RNF130: variants seen among roughly 807,000 people sequenced by gnomAD.
The protein encoded by RNF130 is E3 ubiquitin-protein ligase RNF130.
A neutral mutation model predicts 44.6 loss-of-function variants in RNF130; 21 were observed. The ratio of observed to expected loss-of-function variants is 0.47; its 90% CI spans 0.33 to 0.68. The LOEUF (loss-of-function observed/expected upper bound fraction) is 0.68, where lower values mean the gene tolerates loss of function less well. Among genes scored for constraint, RNF130 ranks in the 30% least tolerant of loss-of-function variants. The probability of loss-of-function intolerance (pLI) is 0.02; values close to 1 mark genes in which losing one functional copy is unlikely to be tolerated. For synonymous variants in RNF130, 214 were observed against 210.4 expected (o/e 1.02, Z -0.15); for missense variants, 479 against 560.6 (o/e 0.85, Z 1.47).
chr5:179,913,751 G>C (rs1761502429), exon 8 of RNF130: 1 of 152,230 alleles, frequency 6.6e-6, no homozygotes, highest in Non-Finnish European at 1.5e-5. Context: ...TGGCTACAGG[G>C]GGCCTCCTGA....
At chr5:180,010,275 A>C (rs13188665) in intron 3 of RNF130, among the ~76,000 whole-genome samples, 1 of 142,398 alleles carries the variant, frequency 7.0e-6, no homozygotes, top group Non-Finnish European at 1.5e-5. Flanking sequence ...AAAAAAAAGT[A>C]TCTCAAGGTA....
rs1305187010 is a variant in RNF130, at chr5:179,966,794, G to A, written c.1150+12C>T. ...CCACATGCCCTGTGCCTGAGCGGAG[G>A]CCCCCACTTACTTGTTACTGCAATG... is the stretch of plus-strand genomic sequence containing the variant. On this transcript the variant is annotated intron_variant, in intron 7 of 8. Transcript: ENST00000521389. 6.2e-7 allele frequency: 1 copy of A among 1,610,214 alleles called. No individual in the cohort carries two copies. Among genetic ancestry groups the A allele is most frequent in the Non-Finnish European group, 8.5e-7 (1 of 1,178,082 alleles).
intron 3 of RNF130, among the ~76,000 whole-genome samples, chr5:179,993,614 T>A (rs6893619): frequency 0.14 from 21,964 of 152,196 alleles, 3,867 homozygotes; most frequent in African/African-American, 0.42. Flanking sequence ...CTTTGTAGAT[T>A]CTGGATATTA....
chr5:179,982,953 A>G (rs557188947), intron 3 of RNF130, among the ~76,000 whole-genome samples: 1 of 151,816 alleles, frequency 6.6e-6, no homozygotes, highest in South Asian at 2.1e-4. Context: ...CTTATTGGCC[A>G]TGTGTACATT....
At chr5:179,954,968 CCTA>C (rs1226434475), downstream of RNF130, 1 of 152,192 alleles carries the variant, frequency 6.6e-6, no homozygotes, top group Admixed American at 6.5e-5. Context: ...ATCGCTCTCA[CCTA>C]CTTTTTTGAG....
intron 7 of RNF130, among the ~76,000 whole-genome samples, chr5:179,965,492 A>G (rs1381706387): frequency 2.0e-5 from 3 of 152,258 alleles, no homozygotes; most frequent in African/African-American, 7.2e-5. Flanking sequence ...ATTTCTACAT[A>G]AAATGTAATG....
chr5:180,021,815 T>G (rs981417874), intron 2 of RNF130, among the ~76,000 whole-genome samples: 3 of 152,186 alleles, frequency 2.0e-5, no homozygotes, highest in African/African-American at 7.2e-5. Flanking sequence ...TTAACACTGA[T>G]GTGTCACTGC....
At position 180,040,530 on chromosome 5, in the gene RNF130, G is replaced by A. The variant is rs1018669961; in HGVS notation, c.365C>T (p.Ala122Val). ...TACAGCAACTGCATTGTGGAAAGCGGCCCGTGATATTTTCTCTTTAAACGT... is the reference window on the plus strand; with the variant it reads ...TACAGCAACTGCATTGTGGAAAGCGACCCGTGATATTTTCTCTTTAAACGT... ...NCTFKEKISRAAFHNAVAVVI... is the reference protein window; with the variant it reads ...NCTFKEKISRVAFHNAVAVVI... Residue 122 changes from alanine to valine, a missense_variant, in exon 2 of 9, where the codon GCC becomes GTC. Physicochemically the swap from Ala to Val is moderately conservative, Grantham distance 64. Transcript: ENST00000521389. 9 of 1,614,056 alleles carry A rather than the reference G, an allele frequency of 5.6e-6. No homozygotes were observed. Among genetic ancestry groups the A allele is most frequent in the African/African-American group, 2.7e-5 (2 of 74,910 alleles).
intron 8 of RNF130, among the ~76,000 whole-genome samples, chr5:179,958,125 C>T (rs1762251541): frequency 6.6e-6 from 1 of 152,138 alleles, no homozygotes; most frequent in African/African-American, 2.4e-5. Flanking sequence ...GATCCGCCCG[C>T]CTCGGTCTCC....
At chr5:179,991,758 T>C (rs1246769085) in intron 3 of RNF130, among the ~76,000 whole-genome samples, 2 of 152,070 alleles carry the variant, frequency 1.3e-5, no homozygotes, top group East Asian at 3.9e-4. Flanking sequence ...ATTTCTATTA[T>C]TATTAAATTG....
chr5:180,050,272 A>C (rs1764657751), intron 1 of RNF130, among the ~76,000 whole-genome samples: 1 of 152,238 alleles, frequency 6.6e-6, no homozygotes, highest in Non-Finnish European at 1.5e-5. Flanking sequence ...GAGCCGATGG[A>C]GTTCCAGGCC....
intron 3 of RNF130, among the ~76,000 whole-genome samples, chr5:179,989,125 G>A (rs1763019206): frequency 6.6e-6 from 1 of 152,234 alleles, no homozygotes; most frequent in Admixed American, 6.5e-5. Flanking sequence ...CAGGGCAGCA[G>A]GAGAGAGAAT....
At chr5:179,945,412 G>A (rs1762022661) in intron 7 of RNF130, among the ~76,000 whole-genome samples, 1 of 152,132 alleles carries the variant, frequency 6.6e-6, no homozygotes, top group Admixed American at 6.5e-5. Flanking sequence ...GTGCTAAAAA[G>A]GGCTCTGATG....
intron 3 of RNF130, among the ~76,000 whole-genome samples, chr5:180,001,657 T>C (rs1188532448): frequency 1.3e-5 from 2 of 152,142 alleles, no homozygotes; most frequent in Admixed American, 6.5e-5. Context: ...CCATACAGTA[T>C]TGACTATAGA....
At chr5:179,992,267 G>A (rs1036257689) in intron 3 of RNF130, among the ~76,000 whole-genome samples, 9 of 151,986 alleles carry the variant, frequency 5.9e-5, no homozygotes, top group African/African-American at 1.9e-4. Flanking sequence ...TCAGCCTCCC[G>A]AGTAGCTGGG....
intron 8 of RNF130, among the ~76,000 whole-genome samples, chr5:179,962,116 G>C (rs1246411946): frequency 6.6e-6 from 1 of 152,196 alleles, no homozygotes; most frequent in African/African-American, 2.4e-5. Context: ...AAGGAATTAG[G>C]TGCGCCATGC....
chr5:179,956,383 G>A (rs888582977), intron 8 of RNF130: 1 of 152,358 alleles, frequency 6.6e-6, no homozygotes, highest in African/African-American at 2.4e-5. Context: ...AGCAACTCCT[G>A]ATTTCAGCTC....
At chr5:179,951,754 T>C (rs1052278866), downstream of RNF130, among the ~76,000 whole-genome samples, 4 of 152,172 alleles carry the variant, frequency 2.6e-5, no homozygotes, top group African/African-American at 7.2e-5. Context: ...AAATTGGAAA[T>C]CTACAACAGA....
At chr5:179,944,162 G>A (rs1762005539) in intron 7 of RNF130, among the ~76,000 whole-genome samples, 1 of 151,896 alleles carries the variant, frequency 6.6e-6, no homozygotes, top group Non-Finnish European at 1.5e-5. Context: ...AGAGACGGGG[G>A]GGTTCACCAT....
Sources: allele counts gnomAD v4.1 joint callset (sites outside exome capture counted in the v4.1 genomes callset), GRCh38; gene constraint gnomAD v4.1.1; transcripts MANE v1.5; gene names NCBI Gene and HGNC (gene_info 2026-07-23, HGNC 2026-07-21).